DMD: variants seen among roughly 807,000 people sequenced by gnomAD.
DMD encodes dystrophin, also known as mutant dystrophin.
Under a neutral mutation model 330.1 loss-of-function variants are expected in DMD, and 63 were observed. That is an observed-to-expected ratio of 0.19 (90% CI 0.16 to 0.24). The LOEUF (loss-of-function observed/expected upper bound fraction) is 0.24, where lower values mean the gene tolerates loss of function less well. Among genes scored for constraint, DMD ranks in the 10% least tolerant of loss-of-function variants. The pLI is 1.00. For missense variants in DMD, 3,344 were observed against 2,684.1 expected (o/e 1.25, Z -5.43); for synonymous variants, 1,223 against 959.8 (o/e 1.27, Z -5.07).
intron 56 of DMD, among the ~76,000 whole-genome samples, chrX:31,500,263 G>C (rs1276084101): frequency 8.9e-6 from 1 of 112,266 alleles, no homozygotes; most frequent in African/African-American, 3.2e-5. Context: ...GTTTAAAATT[G>C]AGATTGCTAG....
At chrX:32,316,740 A>G (rs1345215470) in intron 41 of DMD, among the ~76,000 whole-genome samples, 3 of 111,283 alleles carry the variant, frequency 2.7e-5, no homozygotes. Flanking sequence ...ACTTTTTTGT[A>G]ATTTTCATAT....
intron 65 of DMD, among the ~76,000 whole-genome samples, chrX:31,209,024 T>G (rs2044374152): frequency 8.9e-6 from 1 of 111,851 alleles, no homozygotes; most frequent in African/African-American, 3.3e-5. Context: ...GTTTGCTGTA[T>G]TAAGGGCTTG....
intron 44 of DMD, among the ~76,000 whole-genome samples, chrX:32,071,300 G>A (rs1398080792): frequency 2.7e-5 from 3 of 110,139 alleles, no homozygotes; most frequent in Non-Finnish European, 3.8e-5. Context: ...AAGTGTTCCT[G>A]TTTCTCCACA....
chrX:31,284,568 T>TCTTCTTTCTTCTTCCTCCTC, intron 62 of DMD, among the ~76,000 whole-genome samples: 2 of 61,330 alleles, frequency 3.3e-5, no homozygotes, highest in African/African-American at 1.3e-4. Context: ...TTCTTCTTCT[T>TCTTCTTTCTTCTTCCTCCTC]CTTCTTCTTC....
chrX:31,168,959 A>C (rs572356477), intron 74 of DMD, among the ~76,000 whole-genome samples: 26 of 111,821 alleles, frequency 2.3e-4, no homozygotes, highest in African/African-American at 8.4e-4. Context: ...CTAACCTGCT[A>C]TGATGGTGAG....
chrX:33,135,353 T>G (rs1444967959), intron 1 of DMD, among the ~76,000 whole-genome samples: 2 of 112,323 alleles, frequency 1.8e-5, no homozygotes. Flanking sequence ...ACACGTGTTA[T>G]TTAAACAAAT....
intron 11 of DMD, among the ~76,000 whole-genome samples, chrX:32,630,521 T>G (rs2146597892): frequency 9.0e-6 from 1 of 111,224 alleles, no homozygotes; most frequent in Admixed American, 9.6e-5. Context: ...AATAAACTTT[T>G]TAGGACTTTT....
At chrX:33,212,477 T>C (rs1015005424), upstream of DMD, among the ~76,000 whole-genome samples, 4 of 112,188 alleles carry the variant, frequency 3.6e-5, no homozygotes, top group African/African-American at 1.3e-4. Flanking sequence ...GAAACATTTT[T>C]TAAAGAAAGA....
chrX:32,664,776 A>G (rs1306537727), intron 9 of DMD, among the ~76,000 whole-genome samples: 1 of 111,940 alleles, frequency 8.9e-6, no homozygotes, highest in African/African-American at 3.3e-5. Flanking sequence ...GTTTGGCAGA[A>G]AGCTCTGAGC....
chrX:32,465,221 G>T (rs1476976589), intron 23 of DMD, among the ~76,000 whole-genome samples: 1 of 111,804 alleles, frequency 8.9e-6, no homozygotes, highest in African/African-American at 3.3e-5. Flanking sequence ...TGTCTGACCA[G>T]TACGAAGTAA....
chrX:31,215,080 T>C (rs1043971103), intron 64 of DMD, among the ~76,000 whole-genome samples: 21 of 106,105 alleles, frequency 2.0e-4, no homozygotes, highest in Non-Finnish European at 3.1e-4. Context: ...TAGCTGGGAC[T>C]ACAGTCGCTC....
chrX:32,701,131 G>A (rs775458947), intron 7 of DMD, among the ~76,000 whole-genome samples: 48 of 112,105 alleles, frequency 4.3e-4, no homozygotes, highest in African/African-American at 1.5e-3. Flanking sequence ...TCGGGGTAGA[G>A]CCTGGAGCTC....
At position 31,821,393 on chromosome X, in the gene DMD, G is replaced by C. The variant is rs1056214427; in HGVS notation, c.7201-1310C>G. ...CTAAGATATCTATTACACCTAATCA[G>C]TTACCTGAGCATTTATCATAGACTA... On this transcript the variant is annotated intron_variant, in intron 49 of 78. Transcript: ENST00000357033. Among the ~76,000 whole-genome samples, 6 of 112,322 alleles carry C rather than the reference G, an allele frequency of 5.3e-5. No individual in the cohort carries two copies. The Admixed American group carries it at 5.7e-4, about 11-fold the overall frequency.
At chrX:32,442,231 C>G (rs968300537) in intron 27 of DMD, among the ~76,000 whole-genome samples, 2 of 110,382 alleles carry the variant, frequency 1.8e-5, no homozygotes, top group African/African-American at 6.5e-5. Flanking sequence ...AGGACACCAT[C>G]AAGTAATTGA....
chrX:32,609,930 T>A (rs755845006), intron 12 of DMD, among the ~76,000 whole-genome samples: 1 of 111,081 alleles, frequency 9.0e-6, no homozygotes, highest in Non-Finnish European at 1.9e-5. Context: ...TTAAACTTCA[T>A]CGCAGTCTCA....
At chrX:31,975,037 G>A (rs1390376311) in intron 44 of DMD, among the ~76,000 whole-genome samples, 1 of 109,716 alleles carries the variant, frequency 9.1e-6, no homozygotes, top group Non-Finnish European at 1.9e-5. Flanking sequence ...AAGAAATGCT[G>A]CCCTGGGCCA....
intron 59 of DMD, among the ~76,000 whole-genome samples, chrX:31,445,472 A>C (rs1034968460): frequency 4.5e-5 from 5 of 112,149 alleles, no homozygotes; most frequent in African/African-American, 1.3e-4. Flanking sequence ...AGAAAAATAT[A>C]TTGCTGCTGG....
chrX:32,408,323 G>C (rs1198043057), intron 30 of DMD, among the ~76,000 whole-genome samples: 1 of 111,015 alleles, frequency 9.0e-6, no homozygotes, highest in Middle Eastern at 4.2e-3. Flanking sequence ...AGAAATAACT[G>C]ATCAATTAAC....
chrX:31,173,061 C>A (rs890898574), intron 72 of DMD, among the ~76,000 whole-genome samples: 2 of 111,466 alleles, frequency 1.8e-5, no homozygotes, highest in Non-Finnish European at 3.8e-5. Flanking sequence ...GTATAAAAAT[C>A]ATCTCAAACA....
Sources: allele counts gnomAD v4.1 joint callset (sites outside exome capture counted in the v4.1 genomes callset), GRCh38; gene constraint gnomAD v4.1.1; transcripts MANE v1.5; gene names NCBI Gene and HGNC (gene_info 2026-07-23, HGNC 2026-07-21).